The following PHIP variants were observed in gnomAD, a reference collection of about 807,000 sequenced individuals.
PHIP encodes the protein PH-interacting protein.
A neutral mutation model predicts 236.8 loss-of-function variants in PHIP; 54 were observed. The ratio of observed to expected loss-of-function variants is 0.23; its 90% CI spans 0.18 to 0.29. The LOEUF is 0.29. PHIP is among the 10% of genes least tolerant of loss of function. PHIP has a pLI of 1.00. For synonymous variants in PHIP, 756 were observed against 718.9 expected, an observed-to-expected ratio of 1.05 and a Z score of -0.83; for missense variants, 1,370 against 2,190.8, an observed-to-expected ratio of 0.63 and a Z score of 7.48.
intron 38 of PHIP, chr6:78,945,791 G>T: frequency 1.7e-6 from 1 of 591,400 alleles, no homozygotes; most frequent in South Asian, 2.3e-5. Context: ...GATCAGAGTT[G>T]CCATTTTTAA....
At chr6:78,951,180 G>T (rs1012029451) in intron 35 of PHIP, among the ~76,000 whole-genome samples, 3 of 152,034 alleles carry the variant, frequency 2.0e-5, no homozygotes, top group African/African-American at 7.2e-5. Flanking sequence ...GTGGATTTGG[G>T]CAAAATATAA....
intron 9 of PHIP, 88 bp from the exon 10 acceptor site, chr6:79,019,247 G>T: frequency 1.0e-6 from 1 of 958,162 alleles, no homozygotes. Flanking sequence ...ATCCCAGAAG[G>T]ACAAAATTAA....
chr6:78,947,469 G>A (rs2127683463), intron 36 of PHIP, among the ~76,000 whole-genome samples, 154 bp downstream of exon 36: 1 of 152,280 alleles, frequency 6.6e-6, no homozygotes, highest in African/African-American at 2.4e-5. Flanking sequence ...AAGGAGCTGA[G>A]TAGAAAGGTA....
Position 79,025,990 on chromosome 6 carries a change from G to A in PHIP, c.775C>T (p.Pro259Ser), listed in dbSNP as rs1413436499. 1.2e-6 allele frequency: 2 copies of A among 1,613,782 alleles called. No individual in the cohort carries two copies. The highest frequency in any genetic ancestry group is 1.1e-5 in the South Asian group (1 of 91,058). The change falls in exon 8 of 40, where the codon CCT (proline) becomes TCT (serine). Residue 259 changes from proline (P) to serine (S), a missense_variant. By Grantham distance (74) the Pro-to-Ser change is moderately conservative. This residue lies in a region of PHIP where 188 missense variants were observed against 354.3 expected (regional missense o/e 0.53). Transcript: ENST00000275034. Reference protein sequence around the residue: ...IRVWCLRTCAPLAVLQGHSAS... With the variant: ...IRVWCLRTCASLAVLQGHSAS... Reference sequence around the variant, plus strand: ...CTATGGCCCTGAAGAACAGCCAAAGGTGCACAGGTTCGAAGACACCAGACT... The same window carrying A: ...CTATGGCCCTGAAGAACAGCCAAAGATGCACAGGTTCGAAGACACCAGACT...
At position 78,938,066 on chromosome 6, in the gene PHIP, TAAAG is replaced by T. The variant is rs1182599963; in HGVS notation, c.*2623_*2626del. The T allele has an allele frequency of 6.6e-6, 1 of 151,712 alleles. No individual in the cohort carries two copies. The highest frequency in any genetic ancestry group is 2.4e-5 in the African/African-American group (1 of 41,420). The allele number at this position is 151,712 out of a possible 1,614,324, so 9.4% of individuals were successfully genotyped here. A position where few individuals can be genotyped will look rare whatever the true frequency, so the allele number is the denominator to read the frequency against. ...CAAAGAGGATTATTTTCCCAAGTGG[TAAAG>T]AAAACAAAAATATGGTGATGACTTA... On this transcript the variant is annotated 3_prime_UTR_variant, in exon 40 of 40. Coordinates refer to ENST00000275034, the MANE Select transcript of PHIP (RefSeq NM_017934.7).
At chr6:79,012,153 A>G (rs561343152) in intron 15 of PHIP, among the ~76,000 whole-genome samples, 1 of 151,764 alleles carries the variant, frequency 6.6e-6, no homozygotes, top group African/African-American at 2.4e-5. Flanking sequence ...AAAATACTAA[A>G]TTATATGTTA....
At chr6:79,060,897 T>G in intron 4 of PHIP, 79 bp from the exon 5 acceptor site, 1 of 918,968 alleles carries the variant, frequency 1.1e-6, no homozygotes, top group Admixed American at 2.7e-5. Flanking sequence ...AATAAAAAAA[T>G]TCATCCAAGT....
chr6:79,066,388 T>C (rs1419120732), intron 4 of PHIP, among the ~76,000 whole-genome samples: 1 of 152,154 alleles, frequency 6.6e-6, no homozygotes, highest in African/African-American at 2.4e-5. Flanking sequence ...AAAAAAATTA[T>C]AGAATTTATT....
chr6:78,988,112 A>G (rs1166813916), intron 21 of PHIP, 97 bp downstream of exon 21: 2 of 829,672 alleles, frequency 2.4e-6, no homozygotes, highest in Admixed American at 3.1e-5. Context: ...TATTTAAGCT[A>G]CATCTACAAA....
intron 7 of PHIP, among the ~76,000 whole-genome samples, chr6:79,029,268 T>C (rs1196680085): frequency 6.6e-6 from 1 of 152,112 alleles, no homozygotes; most frequent in Admixed American, 6.6e-5. Flanking sequence ...CCCTCAGGAC[T>C]CCCGGAAGAT....
At position 78,970,122 on chromosome 6, in the gene PHIP, T is replaced by A. The variant is rs776449765; in HGVS notation, c.3049A>T (p.Thr1017Ser). The change falls in exon 26 of 40, where the codon ACC (threonine) becomes TCC (serine). Residue 1017 changes from threonine to serine, a missense_variant. By Grantham distance (58) the Thr-to-Ser change is moderately conservative. Coordinates refer to ENST00000275034, the MANE Select transcript of PHIP (RefSeq NM_017934.7). ...VGIKYEVGLP[T>S]LCCLKLAFLD... ...AAAGCAAGTTTAAGGCAGCAAAGGG[T>A]AGGTAATCCCACTTCATACTTTATG... 5.6e-6 allele frequency: 9 copies of A among 1,612,078 alleles called. No individual in the cohort carries two copies. In the Admixed American group the frequency reaches 1.3e-4, roughly 24 times the overall value.
At chr6:79,029,539 T>A (rs950549526) in intron 7 of PHIP, among the ~76,000 whole-genome samples, 1 of 152,230 alleles carries the variant, frequency 6.6e-6, no homozygotes, top group Non-Finnish European at 1.5e-5. Context: ...ATACATTTCC[T>A]TATTTACTTT....
chr6:78,973,277 A>C (rs1447322758), intron 24 of PHIP, among the ~76,000 whole-genome samples: 1 of 151,662 alleles, frequency 6.6e-6, no homozygotes, highest in Non-Finnish European at 1.5e-5. Flanking sequence ...CAGCCAAAGT[A>C]AGCTTCATAA....
At chr6:78,963,001 T>A in intron 30 of PHIP, 96 bp downstream of exon 30, 6 of 1,054,170 alleles carry the variant, frequency 5.7e-6, no homozygotes, top group Non-Finnish European at 8.2e-6. Context: ...TGACTTAGGA[T>A]ATTGTGAAAA....
intron 15 of PHIP, among the ~76,000 whole-genome samples, chr6:79,004,148 C>G (rs1582207022): frequency 6.6e-6 from 1 of 152,178 alleles, no homozygotes; most frequent in East Asian, 1.9e-4. Flanking sequence ...AGATTTAACA[C>G]ATAATTATGT....
intron 33 of PHIP, 38 bp downstream of exon 33, chr6:78,955,575 G>A: frequency 1.4e-6 from 1 of 692,298 alleles, no homozygotes; most frequent in Non-Finnish European, 2.5e-6. Flanking sequence ...TTTATATAGA[G>A]AATATCAATA....
At chr6:79,059,967 A>G (rs1011080748) in intron 6 of PHIP, among the ~76,000 whole-genome samples, 2 of 152,070 alleles carry the variant, frequency 1.3e-5, no homozygotes, top group African/African-American at 4.8e-5. Flanking sequence ...AGGCAAGAAG[A>G]TTAGTTTGGA....
chr6:78,968,860 G>T (rs1767329957), intron 27 of PHIP, among the ~76,000 whole-genome samples: 1 of 151,166 alleles, frequency 6.6e-6, no homozygotes, highest in Non-Finnish European at 1.5e-5. Flanking sequence ...AGACAAACTT[G>T]TTAGATAAGT....
rs755736226 is a variant in PHIP at position 79,077,868 on chromosome 6, T to C, written c.86A>G (p.Gln29Arg). 6.4e-7 allele frequency: 1 copy of C among 1,560,086 alleles called. No individual in the cohort carries two copies. The highest frequency in any genetic ancestry group is 1.2e-5 in the South Asian group (1 of 85,324). Residue 29 changes from glutamine (Q) to arginine (R), a missense_variant, in exon 2 of 40, where the codon CAG (glutamine) becomes CGG (arginine). Physicochemically the swap from Gln to Arg is conservative, Grantham distance 43. Transcript: ENST00000275034. ...IARFLEDGPC[Q>R]QAAQVLIREV... ...GCGCCGCCGTACCTGAGCCGCCTGC[T>C]GACAGGGTCCATCTTCCAGGAACCG... is the stretch of plus-strand genomic sequence containing the variant.
Sources: allele counts gnomAD v4.1 joint callset (sites outside exome capture counted in the v4.1 genomes callset), GRCh38; gene constraint gnomAD v4.1.1; regional missense constraint gnomAD v4.1.1; transcripts MANE v1.5; gene names NCBI Gene and HGNC (gene_info 2026-07-23, HGNC 2026-07-21).